Variants in STK32B observed in about 807,000 individuals in gnomAD.
STK32B encodes the protein serine/threonine-protein kinase 32B.
A neutral mutation model predicts 52.6 loss-of-function variants in STK32B; 43 were observed. The ratio of observed to expected loss-of-function variants is 0.82; its 90% CI spans 0.64 to 1.05. The LOEUF is 1.05. Ranked by LOEUF, STK32B falls within the 50% of genes least tolerant of loss-of-function variation. The pLI is 0.00. For missense variants in STK32B, 621 were observed against 534.6 expected, an observed-to-expected ratio of 1.16 and a Z score of -1.59; for synonymous variants, 238 against 204.3, an observed-to-expected ratio of 1.17 and a Z score of -1.41.
At chr4:5,099,454 G>GCGTGTGCGCGCGCACA (rs1553823531) in intron 1 of STK32B, among the ~76,000 whole-genome samples, 4 of 129,744 alleles carry the variant, frequency 3.1e-5, no homozygotes, top group African/African-American at 1.0e-4. Context: ...GTGTGTGCGC[G>GCGTGTGCGCGCGCACA]CGCGCGTATG....
At chr4:5,429,377 T>C (rs1002899400) in intron 6 of STK32B, among the ~76,000 whole-genome samples, 2 of 152,142 alleles carry the variant, frequency 1.3e-5, no homozygotes, top group African/African-American at 4.8e-5. Context: ...TTTTCTTCCT[T>C]ATTTTGGATT....
intron 11 of STK32B, among the ~76,000 whole-genome samples, chr4:5,485,370 T>G (rs1413549200): frequency 6.6e-6 from 1 of 152,190 alleles, no homozygotes; most frequent in African/African-American, 2.4e-5. Flanking sequence ...TTTCTTCCAG[T>G]TGATCGAATC....
intron 4 of STK32B, among the ~76,000 whole-genome samples, chr4:5,355,610 G>A (rs999635082): frequency 7.9e-5 from 12 of 152,102 alleles, no homozygotes; most frequent in African/African-American, 2.2e-4. Context: ...GCTGTCCTGT[G>A]CACTGTGGGA....
At chr4:5,416,491 C>T (rs940803529) in intron 5 of STK32B, among the ~76,000 whole-genome samples, 1 of 152,156 alleles carries the variant, frequency 6.6e-6, no homozygotes, top group African/African-American at 2.4e-5. Flanking sequence ...CTACCCCCGC[C>T]CCAGCCATAG....
At chr4:5,335,769 T>C (rs1349754717) in intron 4 of STK32B, among the ~76,000 whole-genome samples, 1 of 152,198 alleles carries the variant, frequency 6.6e-6, no homozygotes, top group Non-Finnish European at 1.5e-5. Context: ...GTTGTTCATT[T>C]TCCATGTAGT....
chr4:5,310,630 G>A (rs1242979811), intron 3 of STK32B, among the ~76,000 whole-genome samples: 2 of 151,698 alleles, frequency 1.3e-5, no homozygotes, highest in Admixed American at 6.6e-5. Flanking sequence ...CAGTATGGAG[G>A]GTCCTAAAAA....
rs533254699 is a variant in STK32B, at chr4:5,078,186, A to G, written c.52+26271A>G. Among the ~76,000 whole-genome samples, 117 of 152,258 alleles carry G rather than the reference A, an allele frequency of 7.7e-4. 2 individuals carry two copies. The South Asian group carries it at 0.023, about 30-fold the overall frequency. Reference sequence around the variant, plus strand: ...AATACTTCCTGGAAGCTATGTGCAGACTTCCCCTTGTAGCTCATTGGTCAA... The same window carrying G: ...AATACTTCCTGGAAGCTATGTGCAGGCTTCCCCTTGTAGCTCATTGGTCAA... On this transcript the variant is annotated intron_variant, in intron 1 of 11. Coordinates refer to ENST00000282908, the MANE Select transcript of STK32B (RefSeq NM_018401.3).
intron 3 of STK32B, among the ~76,000 whole-genome samples, chr4:5,241,667 C>T (rs2108817930): frequency 6.6e-6 from 1 of 152,010 alleles, no homozygotes; most frequent in Admixed American, 6.5e-5. Context: ...TGTTGGTGTG[C>T]TGCACCCATT....
chr4:5,181,628 T>G (rs891784884), intron 3 of STK32B, among the ~76,000 whole-genome samples: 27 of 152,262 alleles, frequency 1.8e-4, no homozygotes, highest in Admixed American at 1.7e-3. Flanking sequence ...AATTTTTTGG[T>G]TTGCAGTGTA....
intron 4 of STK32B, among the ~76,000 whole-genome samples, chr4:5,384,228 G>C (rs527557073): frequency 2.0e-5 from 3 of 152,198 alleles, no homozygotes; most frequent in African/African-American, 7.2e-5. Flanking sequence ...GTCCCGAGAA[G>C]GGTGTGGGCA....
At chr4:5,369,265 C>T (rs1188332460) in intron 4 of STK32B, among the ~76,000 whole-genome samples, 1 of 151,814 alleles carries the variant, frequency 6.6e-6, no homozygotes, top group African/African-American at 2.4e-5. Context: ...CCTGGTTCCC[C>T]CAAAGATTTC....
At chr4:5,137,787 T>TG (rs1415221605) in intron 1 of STK32B, among the ~76,000 whole-genome samples, 3 of 152,290 alleles carry the variant, frequency 2.0e-5, no homozygotes, top group African/African-American at 7.2e-5. Flanking sequence ...AGTTGGGGGT[T>TG]GGGGAAAAGC....
At chr4:5,051,982 A>C in intron 1 of STK32B, 67 bp downstream of exon 1, 1 of 1,547,522 alleles carries the variant, frequency 6.5e-7, no homozygotes. Context: ...CCCTCGGCCG[A>C]GCCCTGCGGG....
At chr4:5,062,912 C>G (rs1742271029) in intron 1 of STK32B, among the ~76,000 whole-genome samples, 1 of 152,178 alleles carries the variant, frequency 6.6e-6, no homozygotes, top group Admixed American at 6.5e-5. Flanking sequence ...TTCATCCTTG[C>G]TGCTGTGAGT....
intron 3 of STK32B, among the ~76,000 whole-genome samples, chr4:5,291,240 T>C (rs1728875665): frequency 1.3e-5 from 2 of 152,160 alleles, no homozygotes; most frequent in Admixed American, 1.3e-4. Context: ...TTGTGTTGAA[T>C]CTGTAGATTA....
intron 1 of STK32B, among the ~76,000 whole-genome samples, chr4:5,128,858 A>T (rs564614125): frequency 6.6e-6 from 1 of 152,318 alleles, no homozygotes; most frequent in East Asian, 1.9e-4. Flanking sequence ...GACTGCTCTA[A>T]TCAGAGCCAT....
At chr4:5,426,382 T>C (rs997627389) in intron 6 of STK32B, among the ~76,000 whole-genome samples, 2 of 152,142 alleles carry the variant, frequency 1.3e-5, no homozygotes, top group Non-Finnish European at 1.5e-5. Flanking sequence ...GTGTGGAATA[T>C]ATGTTCAAAT....
chr4:5,207,990 A>G (rs1364502399), intron 3 of STK32B, among the ~76,000 whole-genome samples: 1 of 152,290 alleles, frequency 6.6e-6, no homozygotes, highest in African/African-American at 2.4e-5. Flanking sequence ...GCATGGCTGT[A>G]TCTATCAGTC....
intron 3 of STK32B, among the ~76,000 whole-genome samples, chr4:5,181,559 TA>T (rs1196385478): frequency 6.6e-6 from 1 of 152,224 alleles, no homozygotes. Flanking sequence ...ACGTCGGAAA[TA>T]TTGCAGGTTC....
Sources: gnomAD v4.1 joint callset for allele counts (sites outside exome capture counted in the v4.1 genomes callset) on GRCh38, gnomAD v4.1.1 for gene constraint, MANE v1.5 for transcripts, NCBI Gene and HGNC (gene_info 2026-07-23, HGNC 2026-07-21) for gene names.